Variants in EPAS1 observed in about 807,000 individuals in gnomAD.
EPAS1 encodes endothelial PAS domain protein 1.
A neutral mutation model predicts 87.9 loss-of-function variants in EPAS1; 23 were observed. The ratio of observed to expected loss-of-function variants is 0.26; its 90% CI spans 0.19 to 0.37. The LOEUF (loss-of-function observed/expected upper bound fraction) is 0.37, where lower values mean the gene tolerates loss of function less well. EPAS1 is among the 10% of genes least tolerant of loss of function. EPAS1 has a pLI of 1.00. For missense variants in EPAS1, 1,138 were observed against 1,120.7 expected (o/e 1.02, Z -0.22); for synonymous variants, 508 against 444.3 (o/e 1.14, Z -1.80).
chr2:46,383,221 T>C (rs566213857), intron 15 of EPAS1, among the ~76,000 whole-genome samples: 1 of 152,294 alleles, frequency 6.6e-6, no homozygotes, highest in African/African-American at 2.4e-5. Flanking sequence ...GGATGTGTTT[T>C]GGGGTGTCAC....
chr2:46,365,628 C>T lies in EPAS1; in HGVS notation c.780-4199C>T, dbSNP rs140475975. Among the ~76,000 whole-genome samples, 12 of 152,272 alleles carry T rather than the reference C, an allele frequency of 7.9e-5. No homozygotes were observed. In the East Asian group the frequency reaches 2.3e-3, roughly 29 times the overall value. On this transcript the variant is annotated intron_variant, in intron 6 of 15. Transcript: ENST00000263734. ...CCACAGACAGGATAGAAATGGATTT[C>T]CCGTTAATTACAGAGCTGGTTGTAT... is the stretch of plus-strand genomic sequence containing the variant.
At chr2:46,358,540 T>G in intron 4 of EPAS1, among the ~76,000 whole-genome samples, 1 of 152,224 alleles carries the variant, frequency 6.6e-6, no homozygotes, top group East Asian at 1.9e-4. Context: ...ATAGTCTGAG[T>G]TTGAGTCTGT....
Position 46,380,212 on chromosome 2 carries a change from G to T in EPAS1, c.1555-15G>T. The T allele has an allele frequency of 2.5e-6, 4 of 1,607,346 alleles. No homozygotes were observed. Among genetic ancestry groups the T allele is most frequent in the Non-Finnish European group, 3.4e-6 (4 of 1,179,966 alleles). ...CCAACCCCCTTGCCTCTTTGCCGGT[G>T]CTGTCTCCCCTCAGACGGATTTCAA... On this transcript the variant is annotated splice_polypyrimidine_tract_variant and intron_variant, in intron 11 of 15. Transcript: ENST00000263734. The surrounding 1 kb of genome is among the most constrained non-coding windows in gnomAD (Gnocchi z 4.4).
At position 46,342,442 on chromosome 2, in the gene EPAS1, T is replaced by C. The variant is rs147046194; in HGVS notation, c.27-4431T>C. ...AATAGACTGATCCCAGCTGGCTTAA[T>C]TAGCCTCAGTCATCTCTTTACCTGC... On this transcript the variant is annotated intron_variant, in intron 1 of 15. Transcript: ENST00000263734. Among the ~76,000 whole-genome samples the C allele has an allele frequency of 5.3e-5, 8 of 152,344 alleles. 1 individual carries two copies. The highest frequency in any genetic ancestry group is 1.7e-4 in the African/African-American group (7 of 41,576).
intron 13 of EPAS1, 76 bp from the exon 14 acceptor site, chr2:46,381,899 G>GGGC: frequency 7.1e-5 from 96 of 1,346,506 alleles, no homozygotes; most frequent in Non-Finnish European, 9.4e-5. Flanking sequence ...CCTGTTCCAG[G>GGGC]CCCACCCAAC....
chr2:46,359,518 G>C (rs987127851), intron 4 of EPAS1, among the ~76,000 whole-genome samples: 7 of 152,124 alleles, frequency 4.6e-5, no homozygotes, highest in Non-Finnish European at 8.8e-5. Flanking sequence ...TTTTATAATC[G>C]TGATGAAGGA....
chr2:46,378,275 C>T (rs542492737), intron 10 of EPAS1, among the ~76,000 whole-genome samples, 188 bp downstream of exon 10: 7 of 152,384 alleles, frequency 4.6e-5, no homozygotes, highest in African/African-American at 1.7e-4. Context: ...CATCCCCCAA[C>T]TCCATTGAAA....
intron 1 of EPAS1, among the ~76,000 whole-genome samples, chr2:46,303,013 C>T (rs556822224): frequency 1.3e-5 from 2 of 152,244 alleles, no homozygotes; most frequent in East Asian, 3.9e-4. Context: ...GCGGAGGTTG[C>T]AGTGAGCCGA....
At chr2:46,378,622 T>G (rs778358922) in intron 10 of EPAS1, 35 bp from the exon 11 acceptor site, 1 of 1,580,108 alleles carries the variant, frequency 6.3e-7, no homozygotes, top group Non-Finnish European at 8.7e-7. Context: ...CAGTGCCATA[T>G]CTTTGACTCT....
intron 1 of EPAS1, among the ~76,000 whole-genome samples, chr2:46,311,091 G>A (rs1230246222): frequency 6.6e-6 from 1 of 152,142 alleles, no homozygotes; most frequent in African/African-American, 2.4e-5. Flanking sequence ...TGTTAACCAG[G>A]ATGGTCTCGA....
chr2:46,328,955 G>C (rs962170910), intron 1 of EPAS1, among the ~76,000 whole-genome samples: 1 of 151,980 alleles, frequency 6.6e-6, no homozygotes, highest in African/African-American at 2.4e-5. Flanking sequence ...TTCCAAATAA[G>C]CAAAATGGAG....
chr2:46,370,301 A>AT (rs1322672764), intron 7 of EPAS1, among the ~76,000 whole-genome samples: 1 of 152,202 alleles, frequency 6.6e-6, no homozygotes, highest in East Asian at 1.9e-4. Context: ...ATAATTCAAC[A>AT]TATCATCAAC....
intron 1 of EPAS1, among the ~76,000 whole-genome samples, chr2:46,307,796 G>A (rs1459405153): frequency 6.6e-6 from 1 of 152,166 alleles, no homozygotes; most frequent in Non-Finnish European, 1.5e-5. Context: ...GGTCCACATG[G>A]TGCTGATCCT....
Position 46,302,118 on chromosome 2 carries a change from C to G in EPAS1, c.26+4181C>G, listed in dbSNP as rs79332735. 2.8e-4 allele frequency among the ~76,000 whole-genome samples: 36 copies of G among 127,642 alleles called. 1 individual carries two copies. The highest frequency in any genetic ancestry group is 7.0e-4 in the Admixed American group (9 of 12,914). 83.7% of individuals were successfully genotyped at this position (127,642 alleles called of 152,430 possible). A position where few individuals can be genotyped will look rare whatever the true frequency, so the allele number is the denominator to read the frequency against. Reference sequence around the variant, plus strand: ...TTACTTAGAATGTCCCTCTTTCTCTCTGTGTGTGTGTGTGTGTGTGTGTGT... The same window carrying G: ...TTACTTAGAATGTCCCTCTTTCTCTGTGTGTGTGTGTGTGTGTGTGTGTGT... On this transcript the variant is annotated intron_variant, in intron 1 of 15. Coordinates refer to ENST00000263734, the MANE Select transcript of EPAS1 (RefSeq NM_001430.5).
intron 1 of EPAS1, among the ~76,000 whole-genome samples, chr2:46,317,693 C>T (rs1683369845): frequency 6.6e-6 from 1 of 152,294 alleles, no homozygotes; most frequent in Non-Finnish European, 1.5e-5. Flanking sequence ...CAGTGAAAGT[C>T]CTAGATGGCA....
In EPAS1 at chr2:46,382,546, C is replaced by T. The variant is rs2103678348; in HGVS notation, c.2409C>T (p.Cys803=). ...GCAAGAGCAGGTTCCCCCCACAGTG[C>T]TACGCCACCCAGTACCAGGACTACA... ...ENSKSRFPPQ[C]YATQYQDYSL... is the part of the protein sequence containing the mutation. The change falls in exon 15 of 16, where the codon TGC becomes TGT. Residue 803 remains cysteine (C), a synonymous_variant. Transcript: ENST00000263734. The T allele has an allele frequency of 1.2e-6, 2 of 1,614,174 alleles. No homozygotes were observed. Among genetic ancestry groups the T allele is most frequent in the Non-Finnish European group, 1.7e-6 (2 of 1,180,048 alleles).
intron 1 of EPAS1, among the ~76,000 whole-genome samples, chr2:46,318,274 T>C (rs957020539): frequency 1.3e-5 from 2 of 152,066 alleles, no homozygotes; most frequent in Non-Finnish European, 2.9e-5. Flanking sequence ...ATCACTGTCT[T>C]ATATGGGTGC....
At chr2:46,364,667 C>T (rs1684467100) in intron 6 of EPAS1, among the ~76,000 whole-genome samples, 1 of 152,192 alleles carries the variant, frequency 6.6e-6, no homozygotes, top group Non-Finnish European at 1.5e-5. Context: ...ATGTCGGTCA[C>T]ATTTATGTAC....
At chr2:46,321,484 C>G (rs1336885949) in intron 1 of EPAS1, among the ~76,000 whole-genome samples, 3 of 152,152 alleles carry the variant, frequency 2.0e-5, no homozygotes, top group African/African-American at 4.8e-5. Context: ...TACATTTTCA[C>G]GAGCAATGCA....
Sources: allele counts gnomAD v4.1 joint callset (sites outside exome capture counted in the v4.1 genomes callset), GRCh38; gene constraint gnomAD v4.1.1; non-coding constraint Gnocchi (gnomAD v3.1); transcripts MANE v1.5; gene names NCBI Gene and HGNC (gene_info 2026-07-23, HGNC 2026-07-21).